Variants in GRID2 observed in about 807,000 individuals in gnomAD.
GRID2 encodes glutamate ionotropic receptor delta type subunit 2.
GRID2 carries 33 observed loss-of-function variants against 114.8 expected under a neutral mutation model. That is an observed-to-expected ratio of 0.29 (90% CI 0.22 to 0.38). The LOEUF (loss-of-function observed/expected upper bound fraction) is 0.38. Among genes scored for constraint, GRID2 ranks in the 10% least tolerant of loss-of-function variants. The probability of loss-of-function intolerance (pLI) is 1.00; values close to 1 mark genes in which losing one functional copy is unlikely to be tolerated. For synonymous variants in GRID2, 505 were observed against 449.9 expected (o/e 1.12, Z -1.55); for missense variants, 1,184 against 1,257.7 (o/e 0.94, Z 0.89).
At chr4:93,368,666 T>C (rs1762577919) in intron 8 of GRID2, among the ~76,000 whole-genome samples, 2 of 152,306 alleles carry the variant, frequency 1.3e-5, no homozygotes, top group Middle Eastern at 3.4e-3. Flanking sequence ...ACTTTTTCAA[T>C]GTAGGTTTTT....
chr4:93,496,144 T>TCCTA (rs1727521986), intron 12 of GRID2, among the ~76,000 whole-genome samples: 1 of 150,860 alleles, frequency 6.6e-6, no homozygotes, highest in Non-Finnish European at 1.5e-5. Flanking sequence ...AACAGGCTGT[T>TCCTA]TTGAGAAAAT....
intron 1 of GRID2, among the ~76,000 whole-genome samples, chr4:92,333,304 C>T (rs1382372058): frequency 1.3e-5 from 2 of 152,220 alleles, no homozygotes; most frequent in Non-Finnish European, 2.9e-5. Context: ...GGCCAAGGAA[C>T]ACTGCACTGG....
intron 14 of GRID2, among the ~76,000 whole-genome samples, chr4:93,722,594 C>T (rs1729480816): frequency 6.6e-6 from 1 of 152,126 alleles, no homozygotes; most frequent in South Asian, 2.1e-4. Context: ...TACAATCCAC[C>T]CAATCACTCA....
In GRID2 at chr4:92,799,042, G is replaced by A. The variant is rs114640094; in HGVS notation, c.244+208756G>A. On this transcript the variant is annotated intron_variant, in intron 2 of 15. Coordinates refer to ENST00000282020, the MANE Select transcript of GRID2 (RefSeq NM_001510.4). The stretch of plus-strand genomic sequence containing the variant: ...ATTTTTCCATGGGGGCTGGGTAGAT[G>A]GTTTCAGTGTGATTCAAGTGCATTA... 4.8e-3 allele frequency among the ~76,000 whole-genome samples: 733 copies of A among 151,996 alleles called. 11 individuals carry two copies. Among genetic ancestry groups the A allele is most frequent in the African/African-American group, 0.017 (694 of 41,510 alleles).
chr4:93,501,999 C>A (rs7655363), intron 12 of GRID2, among the ~76,000 whole-genome samples: 31,133 of 151,704 alleles, frequency 0.21, 3,919 homozygotes, highest in Non-Finnish European at 0.29. Flanking sequence ...TTCTATCCAC[C>A]ACAAACTTAT....
chr4:93,217,547 A>C (rs1321095359), intron 6 of GRID2, among the ~76,000 whole-genome samples: 1 of 152,094 alleles, frequency 6.6e-6, no homozygotes, highest in East Asian at 1.9e-4. Context: ...TCTTAAGAAA[A>C]AGCCTCTGTG....
intron 14 of GRID2, among the ~76,000 whole-genome samples, chr4:93,661,188 A>G (rs973067920): frequency 2.6e-5 from 4 of 152,150 alleles, no homozygotes; most frequent in Admixed American, 2.6e-4. Flanking sequence ...GTAATTTGTA[A>G]CCTCCAAATC....
chr4:93,191,616 A>T (rs954699045), intron 4 of GRID2, among the ~76,000 whole-genome samples: 6 of 152,128 alleles, frequency 3.9e-5, no homozygotes, highest in African/African-American at 1.4e-4. Context: ...GTTTTAAAAA[A>T]AATCTTACCT....
intron 2 of GRID2, among the ~76,000 whole-genome samples, chr4:92,895,280 C>G (rs113847376): frequency 0.019 from 2,861 of 150,748 alleles, 41 homozygotes; most frequent in East Asian, 0.054. Context: ...TCTGGTCATA[C>G]CAAACCTGTA....
intron 9 of GRID2, among the ~76,000 whole-genome samples, chr4:93,412,692 T>C (rs1283670406): frequency 6.6e-6 from 1 of 152,116 alleles, no homozygotes; most frequent in African/African-American, 2.4e-5. Flanking sequence ...CAACCCGTCA[T>C]CTAGGGTTTA....
intron 1 of GRID2, among the ~76,000 whole-genome samples, chr4:92,514,131 C>A (rs889166102): frequency 6.6e-6 from 1 of 151,786 alleles, no homozygotes; most frequent in Admixed American, 6.6e-5. Flanking sequence ...CTTATATGAG[C>A]CAACTGATGA....
At chr4:92,435,017 A>G (rs1055960959) in intron 1 of GRID2, among the ~76,000 whole-genome samples, 1 of 152,204 alleles carries the variant, frequency 6.6e-6, no homozygotes, top group African/African-American at 2.4e-5. Context: ...AGGAAAATGC[A>G]TATTTATATC....
intron 2 of GRID2, among the ~76,000 whole-genome samples, chr4:92,603,902 TAAAA>T (rs1018688373): frequency 6.6e-6 from 1 of 150,808 alleles, no homozygotes; most frequent in Admixed American, 6.6e-5. Flanking sequence ...AAAAATAAAA[TAAAA>T]AAACATTTAT....
At chr4:92,440,280 A>C (rs1732973478) in intron 1 of GRID2, among the ~76,000 whole-genome samples, 1 of 146,142 alleles carries the variant, frequency 6.8e-6, no homozygotes, top group African/African-American at 2.4e-5. Context: ...GGCTGATTTG[A>C]CTAATAAAGG....
intron 8 of GRID2, among the ~76,000 whole-genome samples, chr4:93,345,318 G>T (rs1412294787): frequency 6.6e-6 from 1 of 151,740 alleles, no homozygotes; most frequent in East Asian, 1.9e-4. Flanking sequence ...ACCAATACTT[G>T]TTATCTTTAG....
chr4:92,931,891 A>G (rs1560714297), intron 2 of GRID2, among the ~76,000 whole-genome samples: 1 of 151,248 alleles, frequency 6.6e-6, no homozygotes. Flanking sequence ...TTTTTAATAG[A>G]AAATTCTCAA....
In GRID2 at chr4:93,504,638, A is replaced by T. The variant is rs376833163; in HGVS notation, c.1998-10578A>T. ...ATTTGTGTATACCTATGATAATTTC[A>T]GTATAAACCATCTGTCAATTATAAA... On this transcript the variant is annotated intron_variant, in intron 12 of 15. Coordinates refer to ENST00000282020, the MANE Select transcript of GRID2 (RefSeq NM_001510.4). Among the ~76,000 whole-genome samples the T allele has an allele frequency of 2.0e-5, 3 of 152,106 alleles. No homozygotes were observed. The South Asian group carries it at 6.2e-4, about 32-fold the overall frequency.
At chr4:93,360,795 C>T (rs950601291) in intron 8 of GRID2, among the ~76,000 whole-genome samples, 2 of 151,566 alleles carry the variant, frequency 1.3e-5, no homozygotes, top group Non-Finnish European at 2.9e-5. Flanking sequence ...CTTAATTTTT[C>T]ACCTGTTATC....
At chr4:93,125,316 T>G (rs936639751) in intron 4 of GRID2, among the ~76,000 whole-genome samples, 4 of 152,022 alleles carry the variant, frequency 2.6e-5, no homozygotes, top group African/African-American at 9.7e-5. Flanking sequence ...TATGAAAACA[T>G]ACATTTATAC....
Sources: allele counts gnomAD v4.1 joint callset (sites outside exome capture counted in the v4.1 genomes callset), GRCh38; gene constraint gnomAD v4.1.1; transcripts MANE v1.5; gene names NCBI Gene and HGNC (gene_info 2026-07-23, HGNC 2026-07-21).